The following PTPRF variants were observed in gnomAD, a reference collection of about 807,000 sequenced individuals.
PTPRF encodes receptor-type tyrosine-protein phosphatase F.
In PTPRF, 59 loss-of-function variants were observed where a neutral mutation model predicts 201.8. The ratio of observed to expected loss-of-function variants is 0.29; its 90% CI spans 0.24 to 0.36. The LOEUF is 0.36. PTPRF is among the 10% of genes least tolerant of loss of function. The probability of loss-of-function intolerance (pLI) is 1.00; values close to 1 mark genes in which losing one functional copy is unlikely to be tolerated. For synonymous variants in PTPRF, 1,088 were observed against 1,089.7 expected (o/e 1.00, Z 0.03); for missense variants, 2,132 against 2,690.5 (o/e 0.79, Z 4.59).
intron 13 of PTPRF, among the ~76,000 whole-genome samples, chr1:43,599,735 G>C (rs923873072): frequency 6.6e-6 from 1 of 152,092 alleles, no homozygotes; most frequent in Non-Finnish European, 1.5e-5. Context: ...TGGAATGCTG[G>C]GGGGTTATGA....
At chr1:43,579,978 T>C (rs2004900) in intron 7 of PTPRF, 39,454 of 150,250 alleles carry the variant, frequency 0.26, 6,082 homozygotes, top group East Asian at 0.49. Flanking sequence ...GAGGCTGAGG[T>C]AGGAAAATCG....
At chr1:43,607,029 C>G (rs1444654566) in intron 21 of PTPRF, 61 bp downstream of exon 21, 1 of 1,586,422 alleles carries the variant, frequency 6.3e-7, no homozygotes, top group Non-Finnish European at 8.6e-7. Context: ...CAGGCCCTCT[C>G]CGGGTGTGGT....
intron 3 of PTPRF, among the ~76,000 whole-genome samples, chr1:43,547,056 T>G (rs1376612766): frequency 6.6e-6 from 1 of 152,100 alleles, no homozygotes; most frequent in African/African-American, 2.4e-5. Flanking sequence ...GGTGAAAACA[T>G]CATCCTGTCA....
At chr1:43,591,757 G>A in intron 9 of PTPRF, 55 bp from the exon 10 acceptor site, 1 of 1,600,040 alleles carries the variant, frequency 6.2e-7, no homozygotes, top group Non-Finnish European at 8.5e-7. Flanking sequence ...CTCCTCCCTG[G>A]GCACCCCTGA....
At chr1:43,616,075 C>T (rs1657788081) in intron 23 of PTPRF, among the ~76,000 whole-genome samples, 1 of 151,912 alleles carries the variant, frequency 6.6e-6, no homozygotes, top group African/African-American at 2.4e-5. Flanking sequence ...GCTGACAGCA[C>T]CAGAGCAGCC....
intron 5 of PTPRF, among the ~76,000 whole-genome samples, chr1:43,563,860 G>A (rs971394596): frequency 1.3e-5 from 2 of 152,216 alleles, no homozygotes; most frequent in Admixed American, 6.5e-5. Context: ...GTGTGGGCCC[G>A]AGTCTGGAAC....
Position 43,618,437 on chromosome 1 carries a change from G to A in PTPRF, c.4372-193G>A, listed in dbSNP as rs78168631. Among the ~76,000 whole-genome samples the A allele has an allele frequency of 3.1e-3, 477 of 152,306 alleles. 5 individuals are homozygous for A. The highest frequency in any genetic ancestry group is 0.03 in the East Asian group (158 of 5,186). On this transcript the variant is annotated intron_variant, in intron 25 of 33. Coordinates refer to ENST00000359947, the MANE Select transcript of PTPRF (RefSeq NM_002840.5). ...ATTATGACCCTTATTCCACTAGCTA[G>A]GGCAGGGCGGTGACATAGCTTGAGG...
chr1:43,575,874 T>G, intron 6 of PTPRF: 1 of 1,352,940 alleles, frequency 7.4e-7, no homozygotes, highest in Non-Finnish European at 9.9e-7. Context: ...CTAATGCTTC[T>G]CTCTGATCTT....
At chr1:43,568,961 G>A (rs1186557320) in intron 5 of PTPRF, among the ~76,000 whole-genome samples, 2 of 152,198 alleles carry the variant, frequency 1.3e-5, no homozygotes, top group African/African-American at 4.8e-5. Context: ...ACTAAGTGAG[G>A]GAGAAAGCTC....
chr1:43,594,463 G>C (rs1366196548), intron 11 of PTPRF, among the ~76,000 whole-genome samples: 1 of 151,784 alleles, frequency 6.6e-6, no homozygotes, highest in Non-Finnish European at 1.5e-5. Flanking sequence ...TGGCAGTCAG[G>C]GCCTTGGGGA....
At chr1:43,616,314 A>G (rs1657846811) in intron 23 of PTPRF, among the ~76,000 whole-genome samples, 1 of 151,500 alleles carries the variant, frequency 6.6e-6, no homozygotes, top group Non-Finnish European at 1.5e-5. Context: ...GTGGGTCCTC[A>G]CTAACGCTTC....
rs1438627616 is a variant in PTPRF at position 43,531,060 on chromosome 1, G to A, written c.-156G>A. On this transcript the variant is annotated 5_prime_UTR_variant, in exon 1 of 34. Coordinates refer to ENST00000359947, the MANE Select transcript of PTPRF (RefSeq NM_002840.5). ...CAGCGGCCCTAGCGGCTTGCGGGGGGACATGCGGACCGACGGCCCCTGGAT... is the reference window on the plus strand; with the variant it reads ...CAGCGGCCCTAGCGGCTTGCGGGGGAACATGCGGACCGACGGCCCCTGGAT... The A allele has an allele frequency of 6.6e-6, 1 of 152,538 alleles. No homozygotes were observed. The highest frequency in any genetic ancestry group is 1.5e-5 in the Non-Finnish European group (1 of 67,966). 9.4% of individuals were successfully genotyped at this position (152,538 alleles called of 1,614,324 possible). A position where few individuals can be genotyped will look rare whatever the true frequency, so the allele number is the denominator to read the frequency against.
chr1:43,535,753 G>A (rs1196796719), intron 1 of PTPRF, among the ~76,000 whole-genome samples: 1 of 152,152 alleles, frequency 6.6e-6, no homozygotes, highest in Non-Finnish European at 1.5e-5. Flanking sequence ...GCCTTCCTGG[G>A]TGCCAAGCAG....
intron 1 of PTPRF, among the ~76,000 whole-genome samples, chr1:43,531,383 A>C (rs1378403996): frequency 1.8e-5 from 2 of 110,204 alleles, no homozygotes; most frequent in African/African-American, 3.5e-5. Flanking sequence ...TCTCCACCGC[A>C]CCTTAGCCGC....
intron 13 of PTPRF, among the ~76,000 whole-genome samples, chr1:43,600,493 C>T (rs777286022): frequency 3.9e-5 from 6 of 152,020 alleles, no homozygotes; most frequent in Non-Finnish European, 7.4e-5. Flanking sequence ...TTCTGTTCCT[C>T]GCCAGTGGGA....
In PTPRF at chr1:43,602,084, A is replaced by G. The variant is rs1653892635; in HGVS notation, c.2327A>G (p.Glu776Gly). ...MLAEAQWRPE[E>G]SEDYETTISG... The stretch of plus-strand genomic sequence containing the variant: ...TCCCGCGGTCAGTGGCGGCCAGAGG[A>G]GTCCGAGGACTATGTAAGTAACAGG... Residue 776 changes from glutamate to glycine, a missense_variant, in exon 14 of 34, where the codon GAG becomes GGG. Glu to Gly is a moderately conservative substitution (Grantham distance 98). Coordinates refer to ENST00000359947, the MANE Select transcript of PTPRF (RefSeq NM_002840.5). The G allele has an allele frequency of 1.2e-6, 2 of 1,613,580 alleles. No homozygotes were observed. Among genetic ancestry groups the G allele is most frequent in the Admixed American group, 1.7e-5 (1 of 60,000 alleles).
rs529240842 is a variant in PTPRF, at chr1:43,602,564, CA to C, written c.2340+468del. ...GGGGTGGTGGCAGCTGCAGGGGCCC[CA>C]CTCAAGGCCAGAGCTGGAGGGATAC... is the stretch of plus-strand genomic sequence containing the variant. On this transcript the variant is annotated intron_variant, in intron 14 of 33. Transcript: ENST00000359947. 2.7e-3 allele frequency among the ~76,000 whole-genome samples: 412 copies of C among 152,268 alleles called. 3 individuals carry two copies. The highest frequency in any genetic ancestry group is 9.6e-3 in the African/African-American group (401 of 41,566).
Position 43,592,439 on chromosome 1 carries a change from G to A in PTPRF, c.1669-18G>A. On this transcript the variant is annotated intron_variant, in intron 10 of 33. Coordinates refer to ENST00000359947, the MANE Select transcript of PTPRF (RefSeq NM_002840.5). ...TTTGAGCTCAGAGCTGTCAGTGAGT[G>A]CTCCCTGCTCTTCCCAGCACAAGGT... is the stretch of plus-strand genomic sequence containing the variant. 2 of 1,593,038 alleles carry A rather than the reference G, an allele frequency of 1.3e-6. No individual in the cohort carries two copies.
chr1:43,568,294 CAAAAAAA>C (rs61593463), intron 5 of PTPRF, among the ~76,000 whole-genome samples: 1 of 90,130 alleles, frequency 1.1e-5, no homozygotes, highest in African/African-American at 4.2e-5. Flanking sequence ...GACTCCATCT[CAAAAAAA>C]AAAAAAAAGA....
Sources: gnomAD v4.1 joint callset for allele counts (sites outside exome capture counted in the v4.1 genomes callset) on GRCh38, gnomAD v4.1.1 for gene constraint, MANE v1.5 for transcripts, NCBI Gene and HGNC (gene_info 2026-07-23, HGNC 2026-07-21) for gene names.